The following PRKN variants were observed in gnomAD, a reference collection of about 807,000 sequenced individuals.
The protein encoded by PRKN is parkin RBR E3 ubiquitin protein ligase, also known as E3 ubiquitin-protein ligase parkin.
In PRKN, 56 loss-of-function variants were observed where a neutral mutation model predicts 59.5. The ratio of observed to expected loss-of-function variants is 0.94; its 90% CI spans 0.76 to 1.18. PRKN has a LOEUF of 1.18. Ranked by LOEUF, PRKN falls within the 50% of genes most tolerant of loss-of-function variation. PRKN has a pLI of 0.00. For synonymous variants in PRKN, 250 were observed against 222.1 expected, an observed-to-expected ratio of 1.13 and a Z score of -1.12; for missense variants, 657 against 596.4, an observed-to-expected ratio of 1.10 and a Z score of -1.06.
In PRKN at chr6:161,554,069, G is replaced by C. The variant is rs1456838508; in HGVS notation, c.934-5066C>G. Among the ~76,000 whole-genome samples, 1 of 152,164 alleles carries C rather than the reference G, an allele frequency of 6.6e-6. No homozygotes were observed. Among genetic ancestry groups the C allele is most frequent in the East Asian group, 1.9e-4 (1 of 5,190 alleles). ...AGTCCTCTCAGTTCTCACTTTGAAG[G>C]ACAGGTATCTCAGAACTACAAGGTT... On this transcript the variant is annotated intron_variant, in intron 8 of 11. Transcript: ENST00000366898. This position sits in a 1 kb window ranked among gnomAD's most constrained non-coding sequence, Gnocchi z 4.5.
At position 161,349,791 on chromosome 6, in the gene PRKN, G is replaced by A; in HGVS notation, c.*308C>T. ...CACTTGAATCTGTGCTCTGGTATTT[G>A]TGTCATCCGGAGGCTGAGAACGCCT... On this transcript the variant is annotated 3_prime_UTR_variant, in exon 12 of 12. Transcript: ENST00000366898. This position sits in a 1 kb window ranked among gnomAD's most constrained non-coding sequence, Gnocchi z 5.5. 3 of 493,160 alleles carry A rather than the reference G, an allele frequency of 6.1e-6. No homozygotes were observed. In the South Asian group the frequency reaches 6.3e-5, roughly 10 times the overall value. 30.5% of individuals were successfully genotyped at this position (493,160 alleles called of 1,614,324 possible).
chr6:161,768,935 T>C lies in PRKN; in HGVS notation c.871+16837A>G, dbSNP rs535144976. On this transcript the variant is annotated intron_variant, in intron 7 of 11. Coordinates refer to ENST00000366898, the MANE Select transcript of PRKN (RefSeq NM_004562.3). ...ATGCCGCTATTTATACTCCTACATA[T>C]ACCTCTTTCTGAAAAAGATTAGTTT... Among the ~76,000 whole-genome samples the C allele has an allele frequency of 1.7e-3, 254 of 152,348 alleles. 1 individual carries two copies. The highest frequency in any genetic ancestry group is 5.9e-3 in the African/African-American group (247 of 41,586).
chr6:161,798,636 T>A (rs1191879600), intron 6 of PRKN, among the ~76,000 whole-genome samples: 2 of 152,244 alleles, frequency 1.3e-5, no homozygotes, highest in Non-Finnish European at 2.9e-5. Context: ...ACTGGAGATT[T>A]CTAGAGATTT....
At chr6:162,480,355 G>T (rs188407265) in intron 1 of PRKN, among the ~76,000 whole-genome samples, 1 of 152,118 alleles carries the variant, frequency 6.6e-6, no homozygotes, top group Non-Finnish European at 1.5e-5. Flanking sequence ...AAATGTCATG[G>T]GGCACATGGC....
At chr6:161,680,775 A>ATATATATTTTTTTTTTT (rs1216235673) in intron 7 of PRKN, among the ~76,000 whole-genome samples, 1 of 30,626 alleles carries the variant, frequency 3.3e-5, no homozygotes, top group African/African-American at 1.2e-4. Flanking sequence ...ATATATATAT[A>ATATATATTTTTTTTTTT]TTTTTTTTTT....
At chr6:162,510,035 A>G (rs1777525788) in intron 1 of PRKN, among the ~76,000 whole-genome samples, 1 of 152,220 alleles carries the variant, frequency 6.6e-6, no homozygotes, top group African/African-American at 2.4e-5. Flanking sequence ...ATGAAGGAAC[A>G]CAGTGATTTA....
chr6:161,411,549 G>A (rs1005589203), intron 9 of PRKN, among the ~76,000 whole-genome samples: 2 of 152,136 alleles, frequency 1.3e-5, no homozygotes, highest in Non-Finnish European at 2.9e-5. Flanking sequence ...ATGGCGACAG[G>A]GATGCCTAAG....
At position 161,544,172 on chromosome 6, in the gene PRKN, A is replaced by G. The variant is rs1779714482; in HGVS notation, c.1083+4682T>C. On this transcript the variant is annotated intron_variant, in intron 9 of 11. Transcript: ENST00000366898. This position sits in a 1 kb window ranked among gnomAD's most constrained non-coding sequence, Gnocchi z 5.5. ...CCAAGAGTAAGACATTTTACATATCAGAATGTACTCTTTACTTGGCCGTGT... is the reference window on the plus strand; with the variant it reads ...CCAAGAGTAAGACATTTTACATATCGGAATGTACTCTTTACTTGGCCGTGT... Among the ~76,000 whole-genome samples, 1 of 152,216 alleles carries G rather than the reference A, an allele frequency of 6.6e-6. No individual in the cohort carries two copies. Among genetic ancestry groups the G allele is most frequent in the Non-Finnish European group, 1.5e-5 (1 of 68,046 alleles).
chr6:162,684,889 A>C (rs559279542), intron 1 of PRKN, among the ~76,000 whole-genome samples: 157 of 152,332 alleles, frequency 1.0e-3, no homozygotes, highest in African/African-American at 3.7e-3. Context: ...TTTAACTAAA[A>C]GGTGTTGTTA....
chr6:162,167,934 A>G (rs1389666115), intron 4 of PRKN, among the ~76,000 whole-genome samples: 1 of 152,210 alleles, frequency 6.6e-6, no homozygotes, highest in Non-Finnish European at 1.5e-5. Context: ...AAGAATATTA[A>G]TAACAGTTTT....
chr6:161,915,240 T>A (rs1345960258), intron 6 of PRKN, among the ~76,000 whole-genome samples: 1 of 152,142 alleles, frequency 6.6e-6, no homozygotes, highest in East Asian at 1.9e-4. Context: ...GAGCCGAGGT[T>A]GTGCCCTGCA....
intron 2 of PRKN, among the ~76,000 whole-genome samples, chr6:162,265,574 C>A (rs559972849): frequency 3.0e-4 from 45 of 152,198 alleles, no homozygotes; most frequent in Admixed American, 2.6e-3. Flanking sequence ...GCCTGTAATC[C>A]CAGCTACTCA....
chr6:162,345,236 T>C, intron 2 of PRKN, among the ~76,000 whole-genome samples: 1 of 152,306 alleles, frequency 6.6e-6, no homozygotes, highest in South Asian at 2.1e-4. Flanking sequence ...GCACTTTCTG[T>C]CTAGCATTGA....
rs1251498104 is a variant in PRKN at position 161,582,721 on chromosome 6, C to T, written c.872-13305G>A. Reference sequence around the variant, plus strand: ...GGATTACAGGTGTGAGACACTGCGCCTGGCCTGCAGACTATTATTAATTTT... The same window carrying T: ...GGATTACAGGTGTGAGACACTGCGCTTGGCCTGCAGACTATTATTAATTTT... On this transcript the variant is annotated intron_variant, in intron 7 of 11. Transcript: ENST00000366898. The surrounding 1 kb of genome is among the most constrained non-coding windows in gnomAD (Gnocchi z 4.4). 6.6e-6 allele frequency among the ~76,000 whole-genome samples: 1 copy of T among 152,014 alleles called. No individual in the cohort carries two copies. Among genetic ancestry groups the T allele is most frequent in the Non-Finnish European group, 1.5e-5 (1 of 68,008 alleles).
chr6:162,227,386 T>C (rs940216478), intron 3 of PRKN, among the ~76,000 whole-genome samples: 2 of 152,318 alleles, frequency 1.3e-5, no homozygotes, highest in African/African-American at 2.4e-5. Flanking sequence ...TACTTTTTTT[T>C]TCTCTCTCTA....
intron 5 of PRKN, among the ~76,000 whole-genome samples, chr6:162,047,732 C>T (rs940888022): frequency 3.3e-5 from 5 of 152,216 alleles, no homozygotes; most frequent in Middle Eastern, 3.4e-3. Context: ...ACATAAAATA[C>T]GGAAATGACT....
At chr6:161,623,759 TG>T in intron 7 of PRKN, among the ~76,000 whole-genome samples, 1 of 152,120 alleles carries the variant, frequency 6.6e-6, no homozygotes, top group Admixed American at 6.6e-5. Flanking sequence ...GAGCCAAAAA[TG>T]GGTAAAAAGG....
rs1425885413 is a variant in PRKN, at chr6:161,353,919, A to C, written c.1286-3708T>G. Among the ~76,000 whole-genome samples the C allele has an allele frequency of 6.6e-6, 1 of 151,480 alleles. No homozygotes were observed. Among genetic ancestry groups the C allele is most frequent in the East Asian group, 1.9e-4 (1 of 5,142 alleles). On this transcript the variant is annotated intron_variant, in intron 11 of 11. Coordinates refer to ENST00000366898, the MANE Select transcript of PRKN (RefSeq NM_004562.3). This position sits in a 1 kb window ranked among gnomAD's most constrained non-coding sequence, Gnocchi z 4.8. ...TTGCTTGCTTGGTGCGTGGGGAAAA[A>C]CCCCCGCACATTCCGTCACAGAAGT...
At chr6:162,388,737 C>T (rs1786986176) in intron 2 of PRKN, among the ~76,000 whole-genome samples, 1 of 152,162 alleles carries the variant, frequency 6.6e-6, no homozygotes. Context: ...CCTCTCTCTT[C>T]TCCAGTATCT....
Sources: gnomAD v4.1 joint callset for allele counts (sites outside exome capture counted in the v4.1 genomes callset) on GRCh38, gnomAD v4.1.1 for gene constraint, Gnocchi (gnomAD v3.1) non-coding constraint, MANE v1.5 for transcripts, NCBI Gene and HGNC (gene_info 2026-07-23, HGNC 2026-07-21) for gene names.